The following POGLUT3 variants were observed in gnomAD, a reference collection of about 807,000 sequenced individuals.
The protein encoded by POGLUT3 is KDEL (Lys-Asp-Glu-Leu) containing 2.
POGLUT3 carries 48 observed loss-of-function variants against 54.3 expected under a neutral mutation model. The ratio of observed to expected loss-of-function variants is 0.88; its 90% CI spans 0.70 to 1.12. POGLUT3 has a LOEUF of 1.12. Among genes scored for constraint, POGLUT3 ranks in the 50% most tolerant of loss-of-function variants. The probability of loss-of-function intolerance (pLI) is 0.00; values close to 1 mark genes in which losing one functional copy is unlikely to be tolerated. For synonymous variants in POGLUT3, 218 were observed against 237.4 expected, an observed-to-expected ratio of 0.92 and a Z score of 0.75; for missense variants, 629 against 618.7, an observed-to-expected ratio of 1.02 and a Z score of -0.18.
chr11:108,482,599 T>C (rs1565747561), intron 3 of POGLUT3, among the ~76,000 whole-genome samples: 1 of 151,948 alleles, frequency 6.6e-6, no homozygotes, highest in Non-Finnish European at 1.5e-5. Context: ...TTACAAAAAT[T>C]AGCTGGGCTG....
chr11:108,481,471 A>T (rs1194064793), intron 4 of POGLUT3, 95 bp from the exon 5 acceptor site: 7 of 972,020 alleles, frequency 7.2e-6, no homozygotes, highest in Non-Finnish European at 1.0e-5. Flanking sequence ...GTCATTTAAG[A>T]TGCTAAAGCT....
At chr11:108,486,801 C>A (rs1473472318) in intron 2 of POGLUT3, 1 of 198,678 alleles carries the variant, frequency 5.0e-6, no homozygotes, top group Non-Finnish European at 1.0e-5. Flanking sequence ...AAATAAAATT[C>A]TAAGCCTCCT....
chr11:108,492,920 C>A (rs1474566941), intron 1 of POGLUT3, among the ~76,000 whole-genome samples: 1 of 152,162 alleles, frequency 6.6e-6, no homozygotes, highest in Admixed American at 6.5e-5. Context: ...CAACATGGCA[C>A]AGCAGATCGA....
intron 6 of POGLUT3, among the ~76,000 whole-genome samples, chr11:108,478,723 G>A (rs897587932): frequency 2.6e-5 from 4 of 152,138 alleles, no homozygotes; most frequent in African/African-American, 7.2e-5. Flanking sequence ...TGCCTCAGGC[G>A]CCCAATTATT....
chr11:108,494,565 G>C (rs1437650987), intron 1 of POGLUT3, among the ~76,000 whole-genome samples: 2 of 152,218 alleles, frequency 1.3e-5, no homozygotes, highest in Non-Finnish European at 2.9e-5. Flanking sequence ...ACTGGGCAAG[G>C]CATTTTAGCT....
In POGLUT3 at chr11:108,484,247, A is replaced by G. The variant is rs1001011796; in HGVS notation, c.684+1910T>C. On this transcript the variant is annotated intron_variant, in intron 3 of 7. Transcript: ENST00000323468. Reference sequence around the variant, plus strand: ...AATCTACTGCTATGAAGCCAGCAACATGGATTAAAGAGGCAAGAATACAGG... The same window carrying G: ...AATCTACTGCTATGAAGCCAGCAACGTGGATTAAAGAGGCAAGAATACAGG... Among the ~76,000 whole-genome samples, 9 of 152,172 alleles carry G rather than the reference A, an allele frequency of 5.9e-5. No homozygotes were observed. The East Asian group carries it at 1.7e-3, about 29-fold the overall frequency.
Position 108,498,313 on chromosome 11 carries a change from C to T in POGLUT3, c.54G>A (p.Val18=), listed in dbSNP as rs2093626295. ...LLLQLRLALL[V]AAGAPEVLVS... ...CCAGCACCTCCGGGGCCCCCGCGGC[C>T]ACCAGCAGGGCGAGGCGCAGCTGCA... Residue 18 remains valine (V), a synonymous_variant, in exon 1 of 8, where the codon GTG becomes GTA. Transcript: ENST00000323468. 2.1e-6 allele frequency: 3 copies of T among 1,444,780 alleles called. No homozygotes were observed. The highest frequency in any genetic ancestry group is 3.0e-5 in the African/African-American group (2 of 67,404). 89.5% of individuals were successfully genotyped at this position (1,444,780 alleles called of 1,614,324 possible).
At chr11:108,480,116 G>A (rs898278884) in intron 5 of POGLUT3, among the ~76,000 whole-genome samples, 2 of 152,226 alleles carry the variant, frequency 1.3e-5, no homozygotes, top group African/African-American at 2.4e-5. Context: ...GATTACAGGC[G>A]TGAACCACTA....
Position 108,498,356 on chromosome 11 carries a change from A to G in POGLUT3, c.11T>C (p.Leu4Pro). 7.6e-7 allele frequency: 1 copy of G among 1,322,184 alleles called. No homozygotes were observed. The highest frequency in any genetic ancestry group is 3.2e-5 in the East Asian group (1 of 30,908). 81.9% of individuals were successfully genotyped at this position (1,322,184 alleles called of 1,614,324 possible). A position where few individuals can be genotyped will look rare whatever the true frequency, so the allele number is the denominator to read the frequency against. Residue 4 changes from leucine to proline, a missense_variant, in exon 1 of 8, where the codon CTC (leucine) becomes CCC (proline). Physicochemically the swap from Leu to Pro is moderately conservative, Grantham distance 98 (BLOSUM62 -3). Coordinates refer to ENST00000323468, the MANE Select transcript of POGLUT3 (RefSeq NM_153705.5). The part of the protein sequence containing the change: MRR[L>P]PRALLLQLRL... ...CAGCTGCAGCAGCAGGGCCCGCGGG[A>G]GGCGGCGCATGGTCGGCGGGGCACA... is the stretch of plus-strand genomic sequence containing the variant.
At chr11:108,490,849 G>GA (rs2135861982) in intron 2 of POGLUT3, 121 bp downstream of exon 2, 1 of 592,262 alleles carries the variant, frequency 1.7e-6, no homozygotes, top group South Asian at 2.8e-5. Context: ...TGAGCTCCAG[G>GA]AGGTATGTAT....
intron 1 of POGLUT3, among the ~76,000 whole-genome samples, chr11:108,496,991 C>T (rs7104092): frequency 0.027 from 4,181 of 152,334 alleles, 198 homozygotes; most frequent in African/African-American, 0.094. Flanking sequence ...CCTTCTCATC[C>T]TTCAAGTCTC....
rs370467268 is a variant in POGLUT3 at position 108,474,940 on chromosome 11, G to A, written c.1411C>T (p.Arg471Cys). 14 of 1,613,726 alleles carry A rather than the reference G, an allele frequency of 8.7e-6. No homozygotes were observed. The highest frequency in any genetic ancestry group is 2.2e-5 in the East Asian group (1 of 44,890). The change falls in exon 8 of 8, where the codon CGC (arginine) becomes TGC (cysteine). Residue 471 changes from arginine to cysteine, a missense_variant. By Grantham distance (180) the Arg-to-Cys change is radical. Coordinates refer to ENST00000323468, the MANE Select transcript of POGLUT3 (RefSeq NM_153705.5). ...CGTACTTCGGGTTTGCTGGACTGGC[G>A]CTCGGCATATTTCTGAAACGTGGGT... Reference protein sequence around the residue: ...YYQVLQKYAERQSSKPEVRDG... With the variant: ...YYQVLQKYAECQSSKPEVRDG...
intron 6 of POGLUT3, among the ~76,000 whole-genome samples, 159 bp from the exon 7 acceptor site, chr11:108,477,870 C>T (rs745852179): frequency 3.3e-5 from 5 of 151,648 alleles, no homozygotes; most frequent in Admixed American, 6.6e-5. Context: ...CTACAGGGGC[C>T]GGACATGGTG....
At position 108,486,257 on chromosome 11, in the gene POGLUT3, T is replaced by C. The variant is rs997840975; in HGVS notation, c.584A>G (p.His195Arg). Reference protein sequence around the residue: ...RFGDERGAIVHYTILNNHVYR... With the variant: ...RFGDERGAIVRYTILNNHVYR... ...AACATGGTTATTGAGAATCGTGTAA[T>C]GAACAATGGCACCTCTCTCATCCCC... The change falls in exon 3 of 8, where the codon CAT (histidine) becomes CGT (arginine). Residue 195 changes from histidine to arginine, a missense_variant. His to Arg is a conservative substitution (Grantham distance 29). Coordinates refer to ENST00000323468, the MANE Select transcript of POGLUT3 (RefSeq NM_153705.5). 1.2e-6 allele frequency: 2 copies of C among 1,614,072 alleles called. No homozygotes were observed. The highest frequency in any genetic ancestry group is 1.7e-6 in the Non-Finnish European group (2 of 1,179,916).
At chr11:108,494,957 A>T (rs943256262) in intron 1 of POGLUT3, among the ~76,000 whole-genome samples, 1 of 152,196 alleles carries the variant, frequency 6.6e-6, no homozygotes, top group Non-Finnish European at 1.5e-5. Context: ...CTGAAAATAA[A>T]GATACAGTTC....
At chr11:108,482,362 T>C in intron 3 of POGLUT3, 140 bp from the exon 4 acceptor site, 1 of 613,270 alleles carries the variant, frequency 1.6e-6, no homozygotes, top group South Asian at 2.2e-5. Context: ...ATGCCTGTCA[T>C]TGACAGGATG....
In POGLUT3 at chr11:108,486,286, C is replaced by G. The variant is rs1310163410; in HGVS notation, c.555G>C (p.Arg185Ser). Residue 185 changes from arginine (R) to serine (S), a missense_variant, in exon 3 of 8, where the codon AGG becomes AGC. By Grantham distance (110) the Arg-to-Ser change is moderately radical (BLOSUM62 -1). Transcript: ENST00000323468. ...CAATGGCACCTCTCTCATCCCCAAA[C>G]CTTTTGGGGACTTCTTTTAGCATTT... is the stretch of plus-strand genomic sequence containing the variant. ...LQQMLKEVPKRFGDERGAIVH... is the reference protein window; with the variant it reads ...LQQMLKEVPKSFGDERGAIVH... 6.2e-7 allele frequency: 1 copy of G among 1,613,992 alleles called. No individual in the cohort carries two copies. The highest frequency in any genetic ancestry group is 8.5e-7 in the Non-Finnish European group (1 of 1,180,022).
At chr11:108,479,266 ATTGC>A in intron 6 of POGLUT3, 31 bp downstream of exon 6, 1 of 1,457,530 alleles carries the variant, frequency 6.9e-7, no homozygotes, top group Non-Finnish European at 9.4e-7. Context: ...TGAATTTGTT[ATTGC>A]TTAAAGAAAT....
intron 1 of POGLUT3, 105 bp from the exon 2 acceptor site, chr11:108,491,272 G>T: frequency 1.2e-6 from 1 of 866,866 alleles, no homozygotes; most frequent in Non-Finnish European, 1.8e-6. Context: ...TTTTCCTGCA[G>T]CATTGGTGGT....
Sources: gnomAD v4.1 joint callset for allele counts (sites outside exome capture counted in the v4.1 genomes callset) on GRCh38, gnomAD v4.1.1 for gene constraint, MANE v1.5 for transcripts, NCBI Gene and HGNC (gene_info 2026-07-23, HGNC 2026-07-21) for gene names.